RALY: variants seen among roughly 807,000 people sequenced by gnomAD.
RALY encodes the protein RALY heterogeneous nuclear ribonucleoprotein, also known as RNA-binding protein Raly.
Under a neutral mutation model 30.7 loss-of-function variants are expected in RALY, and 15 were observed. That is an observed-to-expected ratio of 0.49 (90% CI 0.33 to 0.75). RALY has a LOEUF of 0.75. RALY is among the 30% of genes least tolerant of loss of function. The pLI is 0.02. For missense variants in RALY, 339 were observed against 414.3 expected, an observed-to-expected ratio of 0.82 and a Z score of 1.58; for synonymous variants, 177 against 170.8, an observed-to-expected ratio of 1.04 and a Z score of -0.28.
intron 2 of RALY, among the ~76,000 whole-genome samples, chr20:34,062,618 T>C (rs576930593): frequency 1.3e-5 from 2 of 152,328 alleles, no homozygotes; most frequent in East Asian, 3.9e-4. Context: ...TTCCTTGAGC[T>C]CCATCGGGGT....
chr20:34,035,551 C>CT (rs2032463321), intron 2 of RALY, among the ~76,000 whole-genome samples: 1 of 152,192 alleles, frequency 6.6e-6, no homozygotes, highest in South Asian at 2.1e-4. Context: ...TACATTGGCT[C>CT]TTTCCCCACG....
chr20:34,069,027 AT>A (rs1188196105), intron 2 of RALY, among the ~76,000 whole-genome samples: 1 of 152,136 alleles, frequency 6.6e-6, no homozygotes, highest in Non-Finnish European at 1.5e-5. Flanking sequence ...TTAACTGCAG[AT>A]TTCTCACCCA....
At chr20:34,045,125 T>C (rs2032834906) in intron 2 of RALY, among the ~76,000 whole-genome samples, 1 of 152,090 alleles carries the variant, frequency 6.6e-6, no homozygotes, top group Admixed American at 6.6e-5. Context: ...TTGCCTAGGA[T>C]GGTCTCAACA....
chr20:34,072,286 C>CT lies in RALY; in HGVS notation c.213dup (p.Val72CysfsTer23), dbSNP rs1444815247. On this transcript the variant is annotated frameshift_variant, in exon 3 of 10. Transcript: ENST00000246194. LOFTEE classifies it high-confidence loss of function. ...TCCAATGAGCGCCATGCCCGGGCAG[C>CT]TGTGCTGGGAGAGAATGGGCGGGTG... The CT allele has an allele frequency of 6.2e-7, 1 of 1,613,830 alleles. No homozygotes were observed. Among genetic ancestry groups the CT allele is most frequent in the African/African-American group, 1.3e-5 (1 of 74,930 alleles).
chr20:34,054,941 A>G (rs970485199), intron 2 of RALY, among the ~76,000 whole-genome samples: 1 of 152,196 alleles, frequency 6.6e-6, no homozygotes, highest in Non-Finnish European at 1.5e-5. Context: ...AATGGGGGCA[A>G]TAGTAATACC....
chr20:34,075,935 C>T lies in RALY; in HGVS notation c.439C>T (p.Arg147Ter). ...VPVPRAVPVKRPRVTVPLVRR... is the reference protein window; with the variant it reads ...VPVPRAVPVK ...AGTGCCCAGGGCGGTCCCTGTGAAG[C>T]GACCCCGGGTCACAGTCCCTTTGGT... Residue 147 changes from arginine to a stop codon, truncating the protein, a stop_gained, in exon 6 of 10, where the codon CGA (arginine) becomes TGA (stop). Transcript: ENST00000246194. LOFTEE classifies it high-confidence loss of function. The T allele has an allele frequency of 6.2e-7, 1 of 1,614,156 alleles. No individual in the cohort carries two copies. The highest frequency in any genetic ancestry group is 8.5e-7 in the Non-Finnish European group (1 of 1,180,020).
chr20:34,078,377 C>G, intron 8 of RALY, 128 bp from the exon 9 acceptor site: 1 of 761,620 alleles, frequency 1.3e-6, no homozygotes, highest in South Asian at 4.0e-5. Flanking sequence ...CTTGGCTGTT[C>G]CTGCGTCTTC....
chr20:34,013,900 T>C (rs146323094), intron 1 of RALY, among the ~76,000 whole-genome samples: 1 of 152,330 alleles, frequency 6.6e-6, no homozygotes, highest in East Asian at 1.9e-4. Context: ...TGGTGTTGAG[T>C]GCTACAGATG....
At position 34,019,373 on chromosome 20, in the gene RALY, T is replaced by G. The variant is rs913210879; in HGVS notation, c.-92-12149T>G. ...CTTCTGCTCTTCACATAGCTCCAGTTCCTTTAACTCAGCACAGGTGAGAGC... is the reference window on the plus strand; with the variant it reads ...CTTCTGCTCTTCACATAGCTCCAGTGCCTTTAACTCAGCACAGGTGAGAGC... On this transcript the variant is annotated intron_variant, in intron 1 of 9. Transcript: ENST00000246194. 5.3e-5 allele frequency among the ~76,000 whole-genome samples: 8 copies of G among 151,958 alleles called. No homozygotes were observed. The South Asian group carries it at 8.3e-4, about 16-fold the overall frequency.
intron 1 of RALY, among the ~76,000 whole-genome samples, chr20:33,999,939 G>A (rs958309620): frequency 5.3e-5 from 8 of 152,136 alleles, no homozygotes; most frequent in African/African-American, 1.9e-4. Context: ...ATGATTCTAG[G>A]TGGTGGTTTA....
chr20:34,032,610 C>G (rs2032327943), intron 2 of RALY, among the ~76,000 whole-genome samples: 1 of 152,038 alleles, frequency 6.6e-6, no homozygotes, highest in Non-Finnish European at 1.5e-5. Context: ...GTCCTCCTGC[C>G]TCAGCCTCCC....
intron 1 of RALY, among the ~76,000 whole-genome samples, chr20:34,018,309 A>C (rs1168035273): frequency 6.6e-6 from 1 of 152,192 alleles, no homozygotes; most frequent in Non-Finnish European, 1.5e-5. Context: ...GTGGGGGAGA[A>C]GGGAGGAAGC....
intron 2 of RALY, among the ~76,000 whole-genome samples, chr20:34,063,910 A>C (rs1160468823): frequency 6.6e-6 from 1 of 151,972 alleles, no homozygotes; most frequent in Admixed American, 6.6e-5. Context: ...GGAGTAGACC[A>C]TCTCAGGGCA....
At chr20:34,025,462 C>A (rs575573907) in intron 1 of RALY, among the ~76,000 whole-genome samples, 1 of 152,220 alleles carries the variant, frequency 6.6e-6, no homozygotes, top group East Asian at 1.9e-4. Context: ...CCACACCACA[C>A]CCAGCTAATT....
intron 2 of RALY, among the ~76,000 whole-genome samples, chr20:34,061,408 A>G (rs2123215459): frequency 6.6e-6 from 1 of 152,384 alleles, no homozygotes; most frequent in African/African-American, 2.4e-5. Context: ...GGACTTGGAA[A>G]GAAATGAAGT....
At chr20:34,062,800 C>A (rs962384061) in intron 2 of RALY, among the ~76,000 whole-genome samples, 1 of 152,222 alleles carries the variant, frequency 6.6e-6, no homozygotes, top group Non-Finnish European at 1.5e-5. Context: ...AATCAACCAA[C>A]AGCAAGCAGT....
At chr20:34,006,903 T>TC (rs966373662) in intron 1 of RALY, among the ~76,000 whole-genome samples, 4 of 152,176 alleles carry the variant, frequency 2.6e-5, no homozygotes, top group African/African-American at 7.2e-5. Flanking sequence ...AGTGTAGTTA[T>TC]CCCCCCCATT....
chr20:34,072,921 A>G (rs2033768727), intron 3 of RALY, among the ~76,000 whole-genome samples: 1 of 136,406 alleles, frequency 7.3e-6, no homozygotes, highest in South Asian at 2.7e-4. Flanking sequence ...CCTTGTATGT[A>G]TAGATGTAGT....
chr20:34,000,944 C>T (rs971008518), intron 1 of RALY, among the ~76,000 whole-genome samples: 11 of 152,180 alleles, frequency 7.2e-5, no homozygotes, highest in Admixed American at 7.2e-4. Flanking sequence ...GATATTTCTA[C>T]CTTTTTACAG....
Sources: gnomAD v4.1 joint callset for allele counts (sites outside exome capture counted in the v4.1 genomes callset) on GRCh38, gnomAD v4.1.1 for gene constraint, MANE v1.5 for transcripts, NCBI Gene and HGNC (gene_info 2026-07-23, HGNC 2026-07-21) for gene names.